The following FOXJ3 variants were observed in gnomAD, a reference collection of about 807,000 sequenced individuals.
FOXJ3 encodes forkhead box protein J3.
FOXJ3 carries 22 observed loss-of-function variants against 76.1 expected under a neutral mutation model. That is an observed-to-expected ratio of 0.29 (90% confidence interval 0.21 to 0.41). The LOEUF (loss-of-function observed/expected upper bound fraction) is 0.41. Ranked by LOEUF, FOXJ3 falls within the 10% of genes least tolerant of loss-of-function variation. The pLI, the probability that FOXJ3 is intolerant of heterozygous loss-of-function variation, is 1.00. For missense variants in FOXJ3, 613 were observed against 762.1 expected (o/e 0.80, Z 2.30); for synonymous variants, 269 against 261.2 (o/e 1.03, Z -0.29).
chr1:42,235,621 G>A (rs1256432834), intron 4 of FOXJ3, among the ~76,000 whole-genome samples: 1 of 151,184 alleles, frequency 6.6e-6, no homozygotes, highest in Admixed American at 6.6e-5. Context: ...GGAGTGCAGT[G>A]GCGCAACCTC....
At chr1:42,210,286 C>T (rs1002737136) in intron 5 of FOXJ3, among the ~76,000 whole-genome samples, 3 of 152,112 alleles carry the variant, frequency 2.0e-5, no homozygotes, top group African/African-American at 7.2e-5. Flanking sequence ...TTGCTTGACC[C>T]GGCCCCCATC....
At chr1:42,244,472 G>C (rs562784029) in intron 4 of FOXJ3, among the ~76,000 whole-genome samples, 3 of 152,082 alleles carry the variant, frequency 2.0e-5, no homozygotes, top group Non-Finnish European at 4.4e-5. Context: ...AGCTAGGATC[G>C]TGTCACTTCC....
At chr1:42,186,185 A>T (rs776859667) in intron 11 of FOXJ3, among the ~76,000 whole-genome samples, 1 of 152,158 alleles carries the variant, frequency 6.6e-6, no homozygotes, top group Non-Finnish European at 1.5e-5. Flanking sequence ...ACAGAGAAAA[A>T]AGGAATGACA....
At chr1:42,215,010 AG>A (rs1302641094) in intron 5 of FOXJ3, among the ~76,000 whole-genome samples, 1 of 152,256 alleles carries the variant, frequency 6.6e-6, no homozygotes, top group African/African-American at 2.4e-5. Context: ...GCTAAAGTAC[AG>A]ATATCAATAT....
chr1:42,275,346 A>C (rs571688062), intron 3 of FOXJ3, among the ~76,000 whole-genome samples: 2 of 152,318 alleles, frequency 1.3e-5, no homozygotes, highest in South Asian at 2.1e-4. Context: ...ACATGTATAC[A>C]CACACCCCAC....
chr1:42,293,136 G>T (rs1210299785), intron 2 of FOXJ3, among the ~76,000 whole-genome samples: 2 of 152,094 alleles, frequency 1.3e-5, no homozygotes, highest in Admixed American at 1.3e-4. Context: ...TTGTGATTTG[G>T]AATAAGTAAA....
At chr1:42,283,044 T>C (rs1570151230) in intron 2 of FOXJ3, among the ~76,000 whole-genome samples, 3 of 152,242 alleles carry the variant, frequency 2.0e-5, no homozygotes, top group East Asian at 1.9e-4. Context: ...AGGGTACTCA[T>C]AGGTTTGAAG....
intron 5 of FOXJ3, among the ~76,000 whole-genome samples, chr1:42,217,658 T>C (rs190408934): frequency 6.2e-4 from 94 of 152,322 alleles, no homozygotes; most frequent in African/African-American, 2.0e-3. Context: ...ACCTAATGAA[T>C]GGAGAAATAC....
intron 11 of FOXJ3, among the ~76,000 whole-genome samples, chr1:42,185,666 A>G (rs753496264): frequency 5.3e-5 from 8 of 152,110 alleles, no homozygotes; most frequent in Non-Finnish European, 1.2e-4. Flanking sequence ...GTGTGTGCTC[A>G]ATGACTGCAT....
At chr1:42,199,868 G>C (rs1356726735) in intron 6 of FOXJ3, among the ~76,000 whole-genome samples, 1 of 151,540 alleles carries the variant, frequency 6.6e-6, no homozygotes, top group African/African-American at 2.4e-5. Flanking sequence ...GCTTGAGTTT[G>C]TCTATAAGTA....
At chr1:42,263,911 G>C (rs1166014704) in intron 4 of FOXJ3, among the ~76,000 whole-genome samples, 1 of 137,206 alleles carries the variant, frequency 7.3e-6, no homozygotes, top group East Asian at 2.3e-4. Flanking sequence ...GAAAAAAAGA[G>C]ACCATATGAG....
At chr1:42,240,542 T>C (rs1044785057) in intron 4 of FOXJ3, among the ~76,000 whole-genome samples, 3 of 152,196 alleles carry the variant, frequency 2.0e-5, no homozygotes, top group African/African-American at 7.2e-5. Context: ...TCCGACAGTC[T>C]AGAAGTAAAT....
At chr1:42,324,918 ATTT>A (rs952204282) in intron 1 of FOXJ3, among the ~76,000 whole-genome samples, 2 of 151,938 alleles carry the variant, frequency 1.3e-5, no homozygotes, top group Admixed American at 6.6e-5. Context: ...ACTACACTAA[ATTT>A]TTTTTAATTA....
chr1:42,296,901 CATTTTTGTGATATTGATTCTTCCA>C (rs1463181053), intron 2 of FOXJ3, among the ~76,000 whole-genome samples: 6 of 152,156 alleles, frequency 3.9e-5, no homozygotes, highest in Non-Finnish European at 8.8e-5. Flanking sequence ...ATAGTATGGT[CATTTTTGTGATATTGATTCTTCCA>C]ATCCAACAGC....
chr1:42,225,776 C>A (rs984395542), intron 5 of FOXJ3, among the ~76,000 whole-genome samples: 2 of 152,124 alleles, frequency 1.3e-5, no homozygotes, highest in Non-Finnish European at 2.9e-5. Context: ...AATGTACATT[C>A]AATAACACAT....
intron 1 of FOXJ3, among the ~76,000 whole-genome samples, chr1:42,327,431 C>T (rs536369627): frequency 6.8e-4 from 103 of 152,264 alleles, no homozygotes; most frequent in Middle Eastern, 3.4e-3. Flanking sequence ...AATTTGATGG[C>T]CAAGCCACAG....
intron 2 of FOXJ3, among the ~76,000 whole-genome samples, chr1:42,291,574 G>T (rs1653438551): frequency 6.6e-6 from 1 of 152,182 alleles, no homozygotes; most frequent in African/African-American, 2.4e-5. Context: ...GCCAAGGCAG[G>T]AGGATCACTT....
chr1:42,290,582 T>C (rs1653353449), intron 2 of FOXJ3, among the ~76,000 whole-genome samples: 1 of 152,214 alleles, frequency 6.6e-6, no homozygotes, highest in Non-Finnish European at 1.5e-5. Context: ...CTTCTTATTC[T>C]TCTTTATTCT....
chr1:42,267,907 G>C (rs751639627), intron 3 of FOXJ3, among the ~76,000 whole-genome samples: 1 of 151,932 alleles, frequency 6.6e-6, no homozygotes, highest in Non-Finnish European at 1.5e-5. Context: ...TGAGGGTAGA[G>C]TAACAGAAAT....
Sources: gnomAD v4.1 joint callset for allele counts (sites outside exome capture counted in the v4.1 genomes callset) on GRCh38, gnomAD v4.1.1 for gene constraint, MANE v1.5 for transcripts, NCBI Gene and HGNC (gene_info 2026-07-23, HGNC 2026-07-21) for gene names.